The following MEIS2 variants were observed in gnomAD, a reference collection of about 807,000 sequenced individuals.
The protein encoded by MEIS2 is homeobox protein Meis2.
Under a neutral mutation model 58.6 loss-of-function variants are expected in MEIS2, and 9 were observed. That is an observed-to-expected ratio of 0.15 (90% CI 0.09 to 0.27). MEIS2 has a LOEUF of 0.27. MEIS2 is among the 10% of genes least tolerant of loss of function. The pLI is 1.00. For synonymous variants in MEIS2, 221 were observed against 228.4 expected (o/e 0.97, Z 0.29); for missense variants, 427 against 635.0 (o/e 0.67, Z 3.52).
intron 9 of MEIS2, among the ~76,000 whole-genome samples, chr15:36,914,389 A>G (rs952675640): frequency 2.0e-5 from 3 of 152,262 alleles, no homozygotes; most frequent in African/African-American, 7.2e-5. Flanking sequence ...ATGTTAATGC[A>G]ACAACTGGTA....
chr15:36,996,496 T>A (rs1243168236), intron 8 of MEIS2, among the ~76,000 whole-genome samples: 1 of 152,194 alleles, frequency 6.6e-6, no homozygotes, highest in African/African-American at 2.4e-5. Context: ...ACTGCTTGAA[T>A]TTCTGCTGCT....
intron 7 of MEIS2, among the ~76,000 whole-genome samples, chr15:37,071,520 T>G (rs1400518287): frequency 6.6e-6 from 1 of 152,118 alleles, no homozygotes; most frequent in Non-Finnish European, 1.5e-5. Context: ...GTTTGTTGCA[T>G]GGGGTCAGTT....
intron 9 of MEIS2, among the ~76,000 whole-genome samples, chr15:36,946,072 A>G (rs1483572076): frequency 6.6e-6 from 1 of 151,970 alleles, no homozygotes; most frequent in African/African-American, 2.4e-5. Flanking sequence ...TAATTCTGAT[A>G]TAGCACTGAG....
chr15:37,067,442 C>G (rs1165603261), intron 7 of MEIS2, among the ~76,000 whole-genome samples: 1 of 152,016 alleles, frequency 6.6e-6, no homozygotes, highest in East Asian at 1.9e-4. Flanking sequence ...GCTCTCCCAC[C>G]CTTATGTCTG....
At chr15:37,064,300 G>A (rs932608306) in intron 7 of MEIS2, among the ~76,000 whole-genome samples, 2 of 151,832 alleles carry the variant, frequency 1.3e-5, no homozygotes, top group Non-Finnish European at 2.9e-5. Context: ...CAGATACTAC[G>A]TTAGTATATA....
chr15:36,906,622 C>G (rs1287111397), intron 9 of MEIS2, among the ~76,000 whole-genome samples: 1 of 124,088 alleles, frequency 8.1e-6, no homozygotes, highest in African/African-American at 3.0e-5. Flanking sequence ...ATAGGACTTT[C>G]AGGCTGACAA....
chr15:36,956,021 C>CAAAAAAAAAA (rs757524401), intron 8 of MEIS2, among the ~76,000 whole-genome samples: 2 of 46,600 alleles, frequency 4.3e-5, no homozygotes, highest in African/African-American at 1.7e-4. Flanking sequence ...ACTAAAAATA[C>CAAAAAAAAAA]AAAAAAAAAA....
intron 8 of MEIS2, among the ~76,000 whole-genome samples, chr15:37,007,896 A>C (rs1158104805): frequency 1.3e-5 from 2 of 152,152 alleles, no homozygotes; most frequent in Non-Finnish European, 2.9e-5. Context: ...AGGTCTGCAG[A>C]CCTCTAGAAA....
At chr15:37,038,791 C>A (rs1282717030) in intron 7 of MEIS2, among the ~76,000 whole-genome samples, 1 of 152,228 alleles carries the variant, frequency 6.6e-6, no homozygotes, top group East Asian at 1.9e-4. Flanking sequence ...TCCCTGCACA[C>A]CCATGTACAC....
intron 7 of MEIS2, among the ~76,000 whole-genome samples, chr15:37,052,335 C>T (rs531996857): frequency 2.0e-5 from 3 of 152,272 alleles, no homozygotes; most frequent in East Asian, 3.9e-4. Flanking sequence ...CAGGACAGTT[C>T]AGAGTTTGGT....
chr15:36,952,503 T>G (rs1433976154), intron 8 of MEIS2, among the ~76,000 whole-genome samples: 1 of 152,124 alleles, frequency 6.6e-6, no homozygotes, highest in East Asian at 1.9e-4. Flanking sequence ...TTTTTGATCT[T>G]TTTTGTGTGT....
intron 8 of MEIS2, among the ~76,000 whole-genome samples, chr15:37,011,428 A>G (rs574989305): frequency 1.3e-5 from 2 of 152,292 alleles, no homozygotes; most frequent in South Asian, 4.1e-4. Flanking sequence ...ATTAAGATAC[A>G]AATGTATATA....
At chr15:36,894,868 GA>G in intron 11 of MEIS2, 7 of 1,357,164 alleles carry the variant, frequency 5.2e-6, no homozygotes, top group Non-Finnish European at 7.4e-6. Flanking sequence ...AATTGATGGT[GA>G]AAAAATAGAA....
chr15:37,078,997 CATTT>C (rs1301584661), intron 7 of MEIS2, among the ~76,000 whole-genome samples: 2 of 151,984 alleles, frequency 1.3e-5, no homozygotes, highest in Admixed American at 1.3e-4. Context: ...GCTCCTAGAG[CATTT>C]ATTTATTAGA....
At position 37,022,257 on chromosome 15, in the gene MEIS2, C is replaced by T. The variant is rs143674151; in HGVS notation, c.900+14557G>A. On this transcript the variant is annotated intron_variant, in intron 8 of 11. Transcript: ENST00000561208. ...TTATTAAGTTAGATATTTCCTTCTA[C>T]CCTGGACAGTGCCAGATATTATAAT... 3.0e-4 allele frequency among the ~76,000 whole-genome samples: 45 copies of T among 152,202 alleles called. 1 individual carries two copies. Among genetic ancestry groups the T allele is most frequent in the Middle Eastern group, 3.4e-3 (1 of 294 alleles).
chr15:36,976,083 GTTTTA>G (rs973319068), intron 8 of MEIS2, among the ~76,000 whole-genome samples: 6 of 151,958 alleles, frequency 3.9e-5, no homozygotes, highest in African/African-American at 1.5e-4. Flanking sequence ...ATTATAAAGA[GTTTTA>G]TTTTATTTTT....
rs548257545 is a variant in MEIS2 at position 36,990,338 on chromosome 15, T to C, written c.901-39938A>G. 3.9e-5 allele frequency among the ~76,000 whole-genome samples: 6 copies of C among 152,178 alleles called. No homozygotes were observed. The South Asian group carries it at 8.3e-4, about 21-fold the overall frequency. The stretch of plus-strand genomic sequence containing the variant: ...TCAATGAGTAAGTGAATCCACACTT[T>C]GTTGAATCTGCAGAAAAAAAAAAAA... On this transcript the variant is annotated intron_variant, in intron 8 of 11. Coordinates refer to ENST00000561208, the MANE Select transcript of MEIS2 (RefSeq NM_170675.5).
chr15:37,053,989 AT>A (rs904900226), intron 7 of MEIS2, among the ~76,000 whole-genome samples: 4 of 152,262 alleles, frequency 2.6e-5, no homozygotes, highest in African/African-American at 9.6e-5. Context: ...TGTTATCCGC[AT>A]TTAACAGATA....
At chr15:36,980,855 G>T (rs1012168013) in intron 8 of MEIS2, among the ~76,000 whole-genome samples, 1 of 152,084 alleles carries the variant, frequency 6.6e-6, no homozygotes. Flanking sequence ...CCACTGACAG[G>T]CACCTTCATT....
Sources: allele counts gnomAD v4.1 joint callset (sites outside exome capture counted in the v4.1 genomes callset), GRCh38; gene constraint gnomAD v4.1.1; transcripts MANE v1.5; gene names NCBI Gene and HGNC (gene_info 2026-07-23, HGNC 2026-07-21).